IFT172: variants seen among roughly 807,000 people sequenced by gnomAD.
IFT172 encodes the protein intraflagellar transport protein 172 homolog.
IFT172 carries 164 observed loss-of-function variants against 248.9 expected under a neutral mutation model. The ratio of observed to expected loss-of-function variants is 0.66; its 90% confidence interval spans 0.58 to 0.75. IFT172 has a LOEUF of 0.75. IFT172 is among the 30% of genes least tolerant of loss of function. The pLI is 0.00. For missense variants in IFT172, 1,950 were observed against 2,192.4 expected (o/e 0.89, Z 2.21); for synonymous variants, 729 against 791.6 (o/e 0.92, Z 1.33).
rs1249287821 is a variant in IFT172 at position 27,477,514 on chromosome 2, A to T, written c.1221+45T>A. On this transcript the variant is annotated intron_variant, in intron 12 of 47. Coordinates refer to ENST00000260570, the MANE Select transcript of IFT172 (RefSeq NM_015662.3). ...GCCATCTTTATGACACAGAAGCTAG[A>T]AGGAGGCTTATCAAGATGGTGATGG... is the stretch of plus-strand genomic sequence containing the variant. 3 of 1,403,210 alleles carry T rather than the reference A, an allele frequency of 2.1e-6. No homozygotes were observed. The South Asian group carries it at 3.5e-5, about 16-fold the overall frequency. The allele number at this position is 1,403,210 out of a possible 1,614,324, so 86.9% of individuals were successfully genotyped here.
chr2:27,459,540 G>T lies in IFT172; in HGVS notation c.2643-18C>A, dbSNP rs922995821. 4.3e-6 allele frequency: 7 copies of T among 1,613,600 alleles called. No individual in the cohort carries two copies. In the Admixed American group the frequency reaches 8.3e-5, roughly 19 times the overall value. Reference sequence around the variant, plus strand: ...TGGAGCACCTGGCAAAGTTGGGAAAGATATAAATATGTAGGATGAAAGATG... The same window carrying T: ...TGGAGCACCTGGCAAAGTTGGGAAATATATAAATATGTAGGATGAAAGATG... On this transcript the variant is annotated intron_variant, in intron 24 of 47. Transcript: ENST00000260570.
At position 27,477,590 on chromosome 2, in the gene IFT172, C is replaced by T; in HGVS notation, c.1190G>A (p.Gly397Asp). The T allele has an allele frequency of 6.2e-7, 1 of 1,610,174 alleles. No homozygotes were observed. The highest frequency in any genetic ancestry group is 8.5e-7 in the Non-Finnish European group (1 of 1,176,392). ...LSEIAWQGSG[G>D]NEKYFFENEN... is the part of the protein sequence containing the mutation. ...ATTTTCAAAGAAATACTTCTCATTG[C>T]CACCAGATCCTTGCCAGGCTATCTG... Residue 397 changes from glycine to aspartate, a missense_variant, in exon 12 of 48, where the codon GGC becomes GAC. This residue lies in a region of IFT172 where 1,166 missense variants were observed against 1,254.1 expected (regional missense o/e 0.93). Transcript: ENST00000260570.
chr2:27,484,066 G>A, intron 4 of IFT172, 129 bp from the exon 5 acceptor site: 2 of 1,278,230 alleles, frequency 1.6e-6, no homozygotes, highest in Non-Finnish European at 1.1e-6. Context: ...AGGGCTCTAA[G>A]GAAGACAGCA....
At chr2:27,457,413 A>G (rs958287798) in intron 29 of IFT172, among the ~76,000 whole-genome samples, 1 of 152,172 alleles carries the variant, frequency 6.6e-6, no homozygotes, top group African/African-American at 2.4e-5. Context: ...CTACAAAAAA[A>G]TTAAAAAATT....
rs1666296004 is a variant in IFT172 at position 27,457,910 on chromosome 2, A to G, written c.3042T>C (p.Asp1014=). Residue 1014 remains aspartate (D), a synonymous_variant, in exon 28 of 48, where the codon GAT becomes GAC. Transcript: ENST00000260570. ...ITMYKKHKLY[D]DMIRLVGKHH... is the part of the protein sequence containing the mutation. ...GCTTCCCTACCAGGCGGATCATGTC[A>G]TCATACAACTTGTGCTTTTTGTACA... is the stretch of plus-strand genomic sequence containing the variant. 1 of 1,614,056 alleles carries G rather than the reference A, an allele frequency of 6.2e-7. No homozygotes were observed. Among genetic ancestry groups the G allele is most frequent in the African/African-American group, 1.3e-5 (1 of 74,928 alleles).
intron 1 of IFT172, among the ~76,000 whole-genome samples, chr2:27,487,143 CCGTATT>C (rs1399643210): frequency 6.6e-5 from 10 of 152,108 alleles, no homozygotes; most frequent in African/African-American, 2.4e-4. Flanking sequence ...CATGGTTTCA[CCGTATT>C]GCCCAGGCTG....
At chr2:27,461,679 A>G (rs1666682974) in intron 21 of IFT172, 80 bp downstream of exon 21, 3 of 1,583,164 alleles carry the variant, frequency 1.9e-6, no homozygotes, top group African/African-American at 2.7e-5. Flanking sequence ...TCTGGTTTCT[A>G]TGGCCTCCTT....
rs760097703 is a variant in IFT172 at position 27,445,428 on chromosome 2, G to A, written c.4936C>T (p.Arg1646Ter). 7 of 1,611,356 alleles carry A rather than the reference G, an allele frequency of 4.3e-6. No homozygotes were observed. The highest frequency in any genetic ancestry group is 4.5e-5 in the East Asian group (2 of 44,846). Residue 1646 changes from arginine to a stop codon, truncating the protein, a stop_gained, in exon 46 of 48, where the codon CGA becomes TGA. Coordinates refer to ENST00000260570, the MANE Select transcript of IFT172 (RefSeq NM_015662.3). LOFTEE classifies it high-confidence loss of function. The surrounding 1 kb of genome is among the most constrained non-coding windows in gnomAD (Gnocchi z 4.4). ...HVPEAEREEV[R>*]DWVLTVSMDQ... ...ATGGAGACTGTAAGCACCCAGTCTC[G>A]AACCTCTTCTCTCTCAGCCTCCTGG...
chr2:27,472,038 CAAAA>C (rs34330432), intron 15 of IFT172: 371 of 502,408 alleles, frequency 7.4e-4, no homozygotes, highest in Middle Eastern at 2.1e-3. Flanking sequence ...ACACTGTCTC[CAAAA>C]AAAAAAAAAA....
At chr2:27,451,187 C>A (rs1241387395) in intron 35 of IFT172, among the ~76,000 whole-genome samples, 3 of 152,248 alleles carry the variant, frequency 2.0e-5, no homozygotes, top group Non-Finnish European at 4.4e-5. Flanking sequence ...CCACACAATC[C>A]AATTTCACTG....
At chr2:27,475,466 G>A (rs1667892647) in intron 14 of IFT172, 1 of 152,188 alleles carries the variant, frequency 6.6e-6, no homozygotes. Context: ...GGATAAACAA[G>A]TGATAATATC....
intron 13 of IFT172, 34 bp from the exon 14 acceptor site, chr2:27,476,760 G>T: frequency 7.5e-7 from 1 of 1,332,670 alleles, no homozygotes; most frequent in Non-Finnish European, 1.1e-6. Flanking sequence ...GGCAAAATGG[G>T]CTGAGGTAGT....
At chr2:27,476,096 T>C (rs1572809922) in intron 14 of IFT172, among the ~76,000 whole-genome samples, 1 of 152,326 alleles carries the variant, frequency 6.6e-6, no homozygotes, top group East Asian at 1.9e-4. Context: ...TATTAGTTAC[T>C]AATGATAAAC....
At chr2:27,455,132 T>G (rs1286630471) in intron 30 of IFT172, 1 of 262,518 alleles carries the variant, frequency 3.8e-6, no homozygotes, top group Non-Finnish European at 7.5e-6. Context: ...TTTGCTCTTT[T>G]GGCTATCTTT....
intron 15 of IFT172, among the ~76,000 whole-genome samples, chr2:27,471,498 C>A (rs891328217): frequency 1.3e-5 from 2 of 152,130 alleles, no homozygotes; most frequent in Non-Finnish European, 2.9e-5. Context: ...TCTGGTGCTA[C>A]CATATTGGGA....
intron 7 of IFT172, among the ~76,000 whole-genome samples, 165 bp from the exon 8 acceptor site, chr2:27,481,425 TCACACACACACACACA>T (rs71401571): frequency 1.4e-5 from 2 of 145,240 alleles, no homozygotes; most frequent in South Asian, 2.2e-4. Flanking sequence ...TCACAAATTG[TCACACACACACACACA>T]CACACACACA....
chr2:27,459,603 T>C, intron 24 of IFT172, 81 bp from the exon 25 acceptor site: 1 of 1,602,258 alleles, frequency 6.2e-7, no homozygotes, highest in Non-Finnish European at 8.5e-7. Context: ...TAAGCACACT[T>C]CAACCTACAT....
At chr2:27,476,898 C>T (rs1402567512) in intron 13 of IFT172, 172 bp from the exon 14 acceptor site, 6 of 602,620 alleles carry the variant, frequency 1.0e-5, no homozygotes, top group African/African-American at 9.4e-5. Context: ...TCACGGCTCA[C>T]TACAGCTTTG....
chr2:27,465,321 A>C, intron 18 of IFT172, 90 bp downstream of exon 18: 1 of 1,063,792 alleles, frequency 9.4e-7, no homozygotes, highest in East Asian at 2.4e-5. Flanking sequence ...GGAGTACCTT[A>C]ACACCGGATT....
Sources: allele counts gnomAD v4.1 joint callset (sites outside exome capture counted in the v4.1 genomes callset), GRCh38; gene constraint gnomAD v4.1.1; regional missense constraint gnomAD v4.1.1; non-coding constraint Gnocchi (gnomAD v3.1); transcripts MANE v1.5; gene names NCBI Gene and HGNC (gene_info 2026-07-23, HGNC 2026-07-21).